KCNH5: variants seen among roughly 807,000 people sequenced by gnomAD.
KCNH5 encodes voltage-gated delayed rectifier potassium channel KCNH5.
KCNH5 carries 46 observed loss-of-function variants against 96.1 expected under a neutral mutation model. The observed-to-expected ratio is 0.48, with a 90% CI of 0.38 to 0.61. KCNH5 has a LOEUF of 0.61. Ranked by LOEUF, KCNH5 falls within the 20% of genes least tolerant of loss-of-function variation. The probability of loss-of-function intolerance (pLI) is 0.00; values close to 1 mark genes in which losing one functional copy is unlikely to be tolerated. For synonymous variants in KCNH5, 439 were observed against 449.8 expected (o/e 0.98, Z 0.30); for missense variants, 907 against 1,225.8 (o/e 0.74, Z 3.88).
At chr14:62,944,266 G>A (rs183966709) in intron 7 of KCNH5, among the ~76,000 whole-genome samples, 169 of 152,116 alleles carry the variant, frequency 1.1e-3, no homozygotes, top group Middle Eastern at 3.4e-3. Context: ...TGACTTTCTC[G>A]AGAAAAAGAG....
intron 7 of KCNH5, among the ~76,000 whole-genome samples, chr14:62,859,246 G>A (rs1887987879): frequency 6.6e-6 from 1 of 152,192 alleles, no homozygotes; most frequent in Admixed American, 6.5e-5. Flanking sequence ...AGGGCTCGGT[G>A]TTGGTCTCTG....
chr14:62,737,194 ATTTG>A (rs1885176918), intron 10 of KCNH5, among the ~76,000 whole-genome samples: 1 of 152,074 alleles, frequency 6.6e-6, no homozygotes, highest in Non-Finnish European at 1.5e-5. Context: ...CATTTTACTT[ATTTG>A]TTTTTCTCCC....
intron 1 of KCNH5, among the ~76,000 whole-genome samples, chr14:63,040,082 G>A (rs932312765): frequency 6.6e-6 from 1 of 151,994 alleles, no homozygotes; most frequent in East Asian, 1.9e-4. Context: ...TAAGAAACTC[G>A]GCTGTGACTC....
At chr14:62,983,575 G>A (rs1371188967) in intron 5 of KCNH5, among the ~76,000 whole-genome samples, 1 of 152,094 alleles carries the variant, frequency 6.6e-6, no homozygotes, top group Non-Finnish European at 1.5e-5. Flanking sequence ...CCTGGACACT[G>A]TGCCTACTGT....
chr14:62,764,119 A>C (rs1885811214), intron 10 of KCNH5, among the ~76,000 whole-genome samples: 1 of 152,202 alleles, frequency 6.6e-6, no homozygotes, highest in African/African-American at 2.4e-5. Context: ...AGATGCAATA[A>C]TCCTCAACAA....
intron 9 of KCNH5, among the ~76,000 whole-genome samples, chr14:62,799,514 G>A (rs1488103846): frequency 6.3e-5 from 9 of 143,472 alleles, no homozygotes; most frequent in African/African-American, 1.8e-4. Flanking sequence ...CGGAGGTTGC[G>A]GTGAGCTGAG....
chr14:62,887,344 T>A (rs539690946), intron 7 of KCNH5, among the ~76,000 whole-genome samples: 4 of 152,266 alleles, frequency 2.6e-5, no homozygotes, highest in Middle Eastern at 6.8e-3. Flanking sequence ...TAATGATAAA[T>A]GAAGACAGCC....
rs558310056 is a variant in KCNH5, at chr14:62,988,728, C to T, written c.434-1541G>A. 2.6e-5 allele frequency among the ~76,000 whole-genome samples: 4 copies of T among 152,172 alleles called. No homozygotes were observed. In the East Asian group the frequency reaches 7.7e-4, roughly 29 times the overall value. ...AAAAGGGTATTAGATATGACACCAA[C>T]TCTCTAAAAACTCAACATTAATGAA... On this transcript the variant is annotated intron_variant, in intron 4 of 10. Coordinates refer to ENST00000322893, the MANE Select transcript of KCNH5 (RefSeq NM_139318.5).
chr14:62,779,006 C>T (rs1203588015), intron 10 of KCNH5, among the ~76,000 whole-genome samples: 1 of 152,170 alleles, frequency 6.6e-6, no homozygotes, highest in African/African-American at 2.4e-5. Flanking sequence ...AATACTTCAC[C>T]ACAGACAGGC....
intron 9 of KCNH5, among the ~76,000 whole-genome samples, chr14:62,795,838 CA>C: frequency 1.3e-5 from 2 of 152,078 alleles, no homozygotes; most frequent in East Asian, 3.9e-4. Flanking sequence ...AAGCACAGAA[CA>C]GAGGCATCTA....
intron 10 of KCNH5, chr14:62,712,234 C>T (rs2139903794): frequency 6.3e-6 from 1 of 157,950 alleles, no homozygotes; most frequent in South Asian, 1.9e-4. Context: ...TTTGAATTGA[C>T]TTTATAGGAT....
intron 1 of KCNH5, among the ~76,000 whole-genome samples, chr14:63,027,035 AT>A (rs1360365902): frequency 2.0e-5 from 3 of 152,086 alleles, no homozygotes; most frequent in African/African-American, 4.8e-5. Flanking sequence ...AGAAAGGAGC[AT>A]TGTCATTTGT....
chr14:62,970,542 C>A (rs1257127804), intron 6 of KCNH5, among the ~76,000 whole-genome samples: 1 of 152,094 alleles, frequency 6.6e-6, no homozygotes, highest in Non-Finnish European at 1.5e-5. Flanking sequence ...AAGAAAAGTA[C>A]AAACTAATAT....
chr14:62,770,060 C>T (rs923751644), intron 10 of KCNH5, among the ~76,000 whole-genome samples: 3 of 152,042 alleles, frequency 2.0e-5, no homozygotes, highest in Admixed American at 1.3e-4. Flanking sequence ...AACAAACGGG[C>T]TCTACTATTT....
At chr14:62,931,575 A>T (rs139266739) in intron 7 of KCNH5, among the ~76,000 whole-genome samples, 369 of 152,278 alleles carry the variant, frequency 2.4e-3, no homozygotes, top group Non-Finnish European at 3.0e-3. Context: ...GTAGTAACTA[A>T]CTCATCAGAT....
intron 9 of KCNH5, among the ~76,000 whole-genome samples, chr14:62,795,339 T>C (rs1282782012): frequency 6.6e-6 from 1 of 152,126 alleles, no homozygotes; most frequent in African/African-American, 2.4e-5. Flanking sequence ...TTCTCATCAA[T>C]GGATTCAATG....
Position 62,710,959 on chromosome 14 carries a change from A to C in KCNH5, c.2020-2504T>G, listed in dbSNP as rs969603724. Among the ~76,000 whole-genome samples the C allele has an allele frequency of 5.3e-5, 8 of 152,316 alleles. No homozygotes were observed. In the East Asian group the frequency reaches 1.5e-3, roughly 29 times the overall value. ...GCAACCCTATTGGTATATAATAGACAAGGACATTCCTATTTTGTAATGTCT... is the reference window on the plus strand; with the variant it reads ...GCAACCCTATTGGTATATAATAGACCAGGACATTCCTATTTTGTAATGTCT... On this transcript the variant is annotated intron_variant, in intron 10 of 10. Transcript: ENST00000322893.
chr14:62,746,319 C>A (rs1385692061), intron 10 of KCNH5, among the ~76,000 whole-genome samples: 3 of 152,200 alleles, frequency 2.0e-5, no homozygotes, highest in African/African-American at 7.2e-5. Flanking sequence ...CAAAACATTA[C>A]AGTACAAAAT....
chr14:62,912,039 A>C (rs1301014376), intron 7 of KCNH5, among the ~76,000 whole-genome samples: 1 of 41,978 alleles, frequency 2.4e-5, no homozygotes, highest in East Asian at 1.0e-3. Flanking sequence ...CTCCTAATCA[A>C]AAAAAAAAAA....
Sources: gnomAD v4.1 joint callset for allele counts (sites outside exome capture counted in the v4.1 genomes callset) on GRCh38, gnomAD v4.1.1 for gene constraint, MANE v1.5 for transcripts, NCBI Gene and HGNC (gene_info 2026-07-23, HGNC 2026-07-21) for gene names.